The following HYAL4 variants were observed in gnomAD, a reference collection of about 807,000 sequenced individuals.
HYAL4 encodes the protein hyaluronidase 4.
Under a neutral mutation model 35.2 loss-of-function variants are expected in HYAL4, and 37 were observed. The observed-to-expected ratio is 1.05, with a 90% CI of 0.81 to 1.38. HYAL4 has a LOEUF of 1.38. HYAL4 is among the 40% of genes most tolerant of loss of function. The pLI, the probability that HYAL4 is intolerant of heterozygous loss-of-function variation, is 0.00. For synonymous variants in HYAL4, 198 were observed against 203.2 expected (o/e 0.97, Z 0.22); for missense variants, 572 against 572.4 (o/e 1.00, Z 0.01).
chr7:123,803,064 G>C, the HYAL4 span, among the ~76,000 whole-genome samples: 1 of 152,234 alleles, frequency 6.6e-6, no homozygotes, highest in Middle Eastern at 3.4e-3. Context: ...TACCATCCAA[G>C]CATTCCCTTC....
At position 123,874,856 on chromosome 7, in the gene HYAL4, T is replaced by TC. The variant is rs1489257041; in HGVS notation, c.1044+7dup. 1.3e-6 allele frequency: 2 copies of TC among 1,484,444 alleles called. No individual in the cohort carries two copies. Among genetic ancestry groups the TC allele is most frequent in the South Asian group, 2.3e-5 (2 of 88,344 alleles). The allele number at this position is 1,484,444 out of a possible 1,614,324, so 92.0% of individuals were successfully genotyped here. A position where few individuals can be genotyped will look rare whatever the true frequency, so the allele number is the denominator to read the frequency against. On this transcript the variant is annotated splice_region_variant and intron_variant, in intron 4 of 4. Transcript: ENST00000223026. The stretch of plus-strand genomic sequence containing the variant: ...TGAATTTAACTGCATCCAAGGTAAG[T>TC]CAGTATCTTGAAGGTATATTTAATG...
chr7:123,814,545 G>A, the HYAL4 span: 1 of 152,586 alleles, frequency 6.6e-6, no homozygotes, highest in Non-Finnish European at 1.5e-5. Context: ...GACTGGGAAA[G>A]TTGGAAACCC....
chr7:123,813,265 C>G, the HYAL4 span, among the ~76,000 whole-genome samples: 3 of 152,218 alleles, frequency 2.0e-5, no homozygotes, highest in South Asian at 6.2e-4. Context: ...TGATATGTAA[C>G]TGAAACCATA....
chr7:123,808,418 CGTGTGTGTGTGT>C, the HYAL4 span, among the ~76,000 whole-genome samples: 7,610 of 142,690 alleles, frequency 0.053, 217 homozygotes, highest in Middle Eastern at 0.12. Flanking sequence ...TGTATCATCA[CGTGTGTGTGTGT>C]GTGTGTGTGT....
the HYAL4 span, among the ~76,000 whole-genome samples, chr7:123,768,214 A>G: frequency 4.6e-5 from 7 of 152,238 alleles, no homozygotes; most frequent in Non-Finnish European, 8.8e-5. Flanking sequence ...CTACAGTACT[A>G]CATAACCTCA....
chr7:123,785,242 C>T, the HYAL4 span, among the ~76,000 whole-genome samples: 4 of 152,140 alleles, frequency 2.6e-5, no homozygotes, highest in East Asian at 1.9e-4. This position sits in a 1 kb window ranked among gnomAD's most constrained non-coding sequence, Gnocchi z 4.5. Context: ...CACGCCACCA[C>T]GCCTGGTTAT....
chr7:123,851,930 A>G (rs1465209417), intron 2 of HYAL4, among the ~76,000 whole-genome samples: 2 of 152,186 alleles, frequency 1.3e-5, no homozygotes, highest in African/African-American at 4.8e-5. Flanking sequence ...AATGATTGCC[A>G]TCCTAACTGG....
intron 1 of HYAL4, among the ~76,000 whole-genome samples, chr7:123,837,573 C>G (rs1009313245): frequency 6.6e-6 from 1 of 151,928 alleles, no homozygotes; most frequent in Non-Finnish European, 1.5e-5. Flanking sequence ...ATGTGCACAA[C>G]GTGCAAATTA....
intron 4 of HYAL4, 151 bp from the exon 5 acceptor site, chr7:123,876,603 C>A: frequency 1.2e-6 from 1 of 817,016 alleles, no homozygotes; most frequent in East Asian, 2.6e-5. Context: ...AGTTCAACAA[C>A]TGAACCAAGC....
chr7:123,794,424 G>A, the HYAL4 span, among the ~76,000 whole-genome samples: 1 of 152,202 alleles, frequency 6.6e-6, no homozygotes, highest in East Asian at 1.9e-4. Flanking sequence ...AGACCTTTGT[G>A]GCAGCCCCTC....
chr7:123,806,540 T>C, the HYAL4 span, among the ~76,000 whole-genome samples: 1 of 151,790 alleles, frequency 6.6e-6, no homozygotes, highest in Non-Finnish European at 1.5e-5. Context: ...GCCTCACAGG[T>C]TCAAGCGATT....
At chr7:123,810,043 C>T in the HYAL4 span, among the ~76,000 whole-genome samples, 1 of 152,158 alleles carries the variant, frequency 6.6e-6, no homozygotes, top group Non-Finnish European at 1.5e-5. Flanking sequence ...AAAGTTAACT[C>T]TTTTTTCGTT....
chr7:123,868,807 A>G lies in HYAL4; in HGVS notation c.534A>G (p.Val178=). Residue 178 remains valine, a synonymous_variant, in exon 3 of 5, where the codon GTA becomes GTG. Coordinates refer to ENST00000223026, the MANE Select transcript of HYAL4 (RefSeq NM_012269.3). ...TTATTTCCGATATGGGAAAGAATGT[A>G]TCAGCTACCGATATTGAATATTTAG... ...RKLISDMGKN[V]SATDIEYLAK... is the part of the protein sequence containing the mutation. 2 of 1,614,254 alleles carry G rather than the reference A, an allele frequency of 1.2e-6. No individual in the cohort carries two copies. Among genetic ancestry groups the G allele is most frequent in the Non-Finnish European group, 1.7e-6 (2 of 1,180,034 alleles).
At chr7:123,861,644 C>T (rs16871071) in intron 2 of HYAL4, among the ~76,000 whole-genome samples, 12,525 of 152,106 alleles carry the variant, frequency 0.082, 1,703 homozygotes, top group African/African-American at 0.29. Context: ...GCCTTTCAGA[C>T]TGAATAATAT....
upstream of HYAL4, among the ~76,000 whole-genome samples, chr7:123,844,530 A>C (rs1806135111): frequency 6.6e-6 from 1 of 152,150 alleles, no homozygotes; most frequent in African/African-American, 2.4e-5. Context: ...CTCAGAGCTC[A>C]AACGCGGTGC....
chr7:123,855,236 C>T (rs1806408774), intron 2 of HYAL4, among the ~76,000 whole-genome samples: 1 of 152,154 alleles, frequency 6.6e-6, no homozygotes, highest in South Asian at 2.1e-4. Context: ...TGAATTTGAT[C>T]CTGTTATTAT....
At chr7:123,773,494 T>C in the HYAL4 span, among the ~76,000 whole-genome samples, 6 of 152,364 alleles carry the variant, frequency 3.9e-5, no homozygotes, top group East Asian at 1.2e-3. Flanking sequence ...CTAGCTCAAT[T>C]TGTACTAGTT....
intron 1 of HYAL4, among the ~76,000 whole-genome samples, chr7:123,835,737 A>G (rs1342277991): frequency 6.6e-6 from 1 of 152,034 alleles, no homozygotes; most frequent in African/African-American, 2.4e-5. Context: ...TCCTCTTAGC[A>G]CTGCCTTTGC....
intron 3 of HYAL4, among the ~76,000 whole-genome samples, chr7:123,869,837 A>ACCCCCCCCCC (rs36110237): frequency 1.4e-5 from 2 of 140,054 alleles, no homozygotes; most frequent in African/African-American, 2.7e-5. Flanking sequence ...ACAGGTGCTC[A>ACCCCCCCCCC]CCCCCCCCCA....
Sources: gnomAD v4.1 joint callset for allele counts (sites outside exome capture counted in the v4.1 genomes callset) on GRCh38, gnomAD v4.1.1 for gene constraint, Gnocchi (gnomAD v3.1) non-coding constraint, MANE v1.5 for transcripts, NCBI Gene and HGNC (gene_info 2026-07-23, HGNC 2026-07-21) for gene names.